The following AGBL1 variants were observed in gnomAD, a reference collection of about 807,000 sequenced individuals.
AGBL1 encodes AGBL carboxypeptidase 1.
In AGBL1, 130 loss-of-function variants were observed where a neutral mutation model predicts 118.9. That is an observed-to-expected ratio of 1.09 (90% confidence interval 0.95 to 1.26). AGBL1 has a LOEUF of 1.26. Among genes scored for constraint, AGBL1 ranks in the 50% most tolerant of loss-of-function variants. The probability of loss-of-function intolerance (pLI) is 0.00; values close to 1 mark genes in which losing one functional copy is unlikely to be tolerated. For missense variants in AGBL1, 1,584 were observed against 1,298.1 expected (o/e 1.22, Z -3.38); for synonymous variants, 555 against 478.9 (o/e 1.16, Z -2.08).
At chr15:86,856,110 A>G (rs62032590) in intron 22 of AGBL1, among the ~76,000 whole-genome samples, 10,977 of 152,252 alleles carry the variant, frequency 0.072, 520 homozygotes, top group Non-Finnish European at 0.1. Flanking sequence ...ACATTTCCGC[A>G]AAGGGGTGGA....
intron 18 of AGBL1, among the ~76,000 whole-genome samples, chr15:86,416,717 G>A (rs972149241): frequency 6.6e-6 from 1 of 152,130 alleles, no homozygotes; most frequent in East Asian, 1.9e-4. Flanking sequence ...AAAAGCAATT[G>A]TTCTCCTTGG....
At chr15:86,765,550 G>A (rs959581947) in intron 22 of AGBL1, among the ~76,000 whole-genome samples, 1 of 151,888 alleles carries the variant, frequency 6.6e-6, no homozygotes, top group Non-Finnish European at 1.5e-5. Context: ...TGAAACAGAT[G>A]GGGAACACAT....
chr15:86,714,338 G>C (rs1009694453), intron 22 of AGBL1, among the ~76,000 whole-genome samples: 1 of 152,138 alleles, frequency 6.6e-6, no homozygotes, highest in Non-Finnish European at 1.5e-5. Context: ...TGAGCTGAGA[G>C]GGAAGGGCAG....
intron 22 of AGBL1, among the ~76,000 whole-genome samples, chr15:86,819,330 G>C (rs955411938): frequency 2.0e-5 from 3 of 152,060 alleles, no homozygotes; most frequent in Non-Finnish European, 4.4e-5. Flanking sequence ...GTTCTATTAA[G>C]TGATTACTAT....
intron 22 of AGBL1, among the ~76,000 whole-genome samples, chr15:86,881,041 C>G (rs1242393189): frequency 6.6e-6 from 1 of 152,134 alleles, no homozygotes; most frequent in Non-Finnish European, 1.5e-5. Flanking sequence ...TGGAACTGCA[C>G]CCCACACTGA....
At chr15:86,404,002 G>A (rs531517303) in intron 18 of AGBL1, among the ~76,000 whole-genome samples, 4 of 152,162 alleles carry the variant, frequency 2.6e-5, no homozygotes, top group African/African-American at 9.7e-5. Flanking sequence ...ACACATCCAT[G>A]CCCAAGGTTA....
chr15:86,712,468 C>A (rs893343895), intron 22 of AGBL1, among the ~76,000 whole-genome samples: 2 of 151,854 alleles, frequency 1.3e-5, no homozygotes, highest in Admixed American at 1.3e-4. Context: ...AATTGGGCTT[C>A]AAAGTGGAAT....
intron 5 of AGBL1, among the ~76,000 whole-genome samples, chr15:86,206,015 C>T (rs2077986191): frequency 6.6e-6 from 1 of 152,058 alleles, no homozygotes; most frequent in Admixed American, 6.6e-5. Context: ...TGTGATGTTC[C>T]CTGCCCTGTG....
chr15:86,470,896 T>C (rs1326792028), intron 18 of AGBL1, among the ~76,000 whole-genome samples: 1 of 152,160 alleles, frequency 6.6e-6, no homozygotes, highest in African/African-American at 2.4e-5. Context: ...ATTACTGAAT[T>C]TGTTTATTAG....
At chr15:86,693,868 A>G (rs1445527061) in intron 22 of AGBL1, among the ~76,000 whole-genome samples, 1 of 151,564 alleles carries the variant, frequency 6.6e-6, no homozygotes, top group Admixed American at 6.6e-5. Flanking sequence ...TCCCCACTTT[A>G]TGTTTTTATT....
At chr15:86,294,655 C>G (rs1167407249) in intron 16 of AGBL1, among the ~76,000 whole-genome samples, 1 of 152,000 alleles carries the variant, frequency 6.6e-6, no homozygotes, top group Non-Finnish European at 1.5e-5. Context: ...CTCATTTTCC[C>G]CAGTGTTCTG....
intron 1 of AGBL1, among the ~76,000 whole-genome samples, chr15:86,123,537 C>A (rs1033829363): frequency 1.3e-5 from 2 of 152,178 alleles, no homozygotes; most frequent in Non-Finnish European, 2.9e-5. Context: ...ACCACGCCCA[C>A]CCCGGGACCC....
intron 19 of AGBL1, among the ~76,000 whole-genome samples, chr15:86,536,566 C>G (rs2083429116): frequency 6.6e-6 from 1 of 152,158 alleles, no homozygotes; most frequent in African/African-American, 2.4e-5. Context: ...GCCTCGGCCT[C>G]CCAAAGTGTT....
At chr15:86,721,479 A>C (rs1434570985) in intron 22 of AGBL1, among the ~76,000 whole-genome samples, 1 of 152,230 alleles carries the variant, frequency 6.6e-6, no homozygotes, top group East Asian at 1.9e-4. Flanking sequence ...TCAATAAATT[A>C]GGTATTGATG....
Position 86,951,712 on chromosome 15 carries a change from G to A in AGBL1, c.3222-36275G>A, listed in dbSNP as rs370306883. 4.6e-5 allele frequency among the ~76,000 whole-genome samples: 7 copies of A among 152,176 alleles called. No homozygotes were observed. The East Asian group carries it at 1.4e-3, about 29-fold the overall frequency. On this transcript the variant is annotated intron_variant, in intron 23 of 24. Coordinates refer to the AGBL1 transcript ENST00000441037. ...CCAATAATATCATATTTATTGATCT[G>A]AAAATTGTAAAAATTTATTGAGCTC...
intron 18 of AGBL1, among the ~76,000 whole-genome samples, chr15:86,458,341 T>C (rs1360794499): frequency 6.6e-6 from 1 of 152,200 alleles, no homozygotes; most frequent in African/African-American, 2.4e-5. Context: ...TATATGATGA[T>C]GTATTATAAT....
At chr15:86,203,123 G>C (rs2077934252) in intron 5 of AGBL1, among the ~76,000 whole-genome samples, 1 of 152,070 alleles carries the variant, frequency 6.6e-6, no homozygotes, top group Admixed American at 6.6e-5. Context: ...TGATGATGAT[G>C]ATGATGATGA....
rs146668694 is a variant in AGBL1 at position 86,785,078 on chromosome 15, G to A, written c.3158+110642G>A. The stretch of plus-strand genomic sequence containing the variant: ...TTACAATGAATGCAAATGAATTGGT[G>A]TTACTGCAGAGGAAACCTCACTTCC... On this transcript the variant is annotated intron_variant, in intron 22 of 22. Transcript: ENST00000614907. Among the ~76,000 whole-genome samples, 1,068 of 152,294 alleles carry A rather than the reference G, an allele frequency of 7.0e-3. 16 individuals carry two copies. The highest frequency in any genetic ancestry group is 0.024 in the African/African-American group (1,011 of 41,558).
intron 21 of AGBL1, among the ~76,000 whole-genome samples, chr15:86,597,624 A>G (rs1227838232): frequency 1.3e-5 from 2 of 152,182 alleles, no homozygotes; most frequent in East Asian, 1.9e-4. Context: ...GACTTGCAGT[A>G]TTCATGTCTT....
Sources: gnomAD v4.1 joint callset for allele counts (sites outside exome capture counted in the v4.1 genomes callset) on GRCh38, gnomAD v4.1.1 for gene constraint, MANE v1.5 for transcripts, NCBI Gene and HGNC (gene_info 2026-07-23, HGNC 2026-07-21) for gene names.